The following EGLN1 variants were observed in gnomAD, a reference collection of about 807,000 sequenced individuals.
EGLN1 encodes the protein egl nine homolog 1.
A neutral mutation model predicts 38.3 loss-of-function variants in EGLN1; 17 were observed. The ratio of observed to expected loss-of-function variants is 0.44; its 90% CI spans 0.30 to 0.67. The LOEUF (loss-of-function observed/expected upper bound fraction) is 0.67. EGLN1 is among the 30% of genes least tolerant of loss of function. The probability of loss-of-function intolerance (pLI) is 0.08; values close to 1 mark genes in which losing one functional copy is unlikely to be tolerated. For synonymous variants in EGLN1, 283 were observed against 257.5 expected (o/e 1.10, Z -0.95); for missense variants, 477 against 603.3 (o/e 0.79, Z 2.19).
At chr1:231,417,672 T>C (rs1689120208) in intron 1 of EGLN1, among the ~76,000 whole-genome samples, 1 of 152,218 alleles carries the variant, frequency 6.6e-6, no homozygotes, top group Non-Finnish European at 1.5e-5. Flanking sequence ...GGAGCTTGGT[T>C]GTATCAGTGG....
chr1:231,374,750 A>C (rs1051608531), intron 1 of EGLN1, among the ~76,000 whole-genome samples: 2 of 152,074 alleles, frequency 1.3e-5, no homozygotes, highest in Admixed American at 1.3e-4. Context: ...GAGGTCAACT[A>C]AACTCCAAAC....
At chr1:231,408,326 GGA>G (rs1688845609) in intron 1 of EGLN1, among the ~76,000 whole-genome samples, 1 of 152,102 alleles carries the variant, frequency 6.6e-6, no homozygotes, top group Admixed American at 6.5e-5. Flanking sequence ...AGCAGAAGCA[GGA>G]AAACAGTCTG....
rs575002938 is a variant in EGLN1, at chr1:231,421,862, G to A, written c.27C>T (p.Gly9=). Residue 9 remains glycine, a synonymous_variant, in exon 1 of 5, where the codon GGC becomes GGT. Coordinates refer to ENST00000366641, the MANE Select transcript of EGLN1 (RefSeq NM_022051.3). This position sits in a 1 kb window ranked among gnomAD's most constrained non-coding sequence, Gnocchi z 5.5. MANDSGGP[G]GPSPSERDRQ... ...GGTCTCGCTCGCTCGGGCTCGGCCC[G>A]CCGGGCCCGCCGCTGTCATTGGCCA... is the stretch of plus-strand genomic sequence containing the variant. 2.2e-5 allele frequency: 32 copies of A among 1,484,362 alleles called. No individual in the cohort carries two copies. In the Admixed American group the frequency reaches 3.8e-4, roughly 18 times the overall value. 91.9% of individuals were successfully genotyped at this position (1,484,362 alleles called of 1,614,324 possible).
At chr1:231,387,816 C>T (rs1291924719) in intron 1 of EGLN1, among the ~76,000 whole-genome samples, 3 of 152,256 alleles carry the variant, frequency 2.0e-5, no homozygotes, top group South Asian at 2.1e-4. Flanking sequence ...CTACCAATAT[C>T]CAATCTCTCT....
intron 1 of EGLN1, among the ~76,000 whole-genome samples, chr1:231,374,893 G>T (rs1687919825): frequency 6.6e-6 from 1 of 152,098 alleles, no homozygotes; most frequent in South Asian, 2.1e-4. Flanking sequence ...AAGACTGTTG[G>T]ATGTTAAGCT....
chr1:231,364,706 G>C lies in EGLN1; in HGVS notation c.*1705C>G, dbSNP rs1212847982. On this transcript the variant is annotated 3_prime_UTR_variant, in exon 5 of 5. Coordinates refer to ENST00000366641, the MANE Select transcript of EGLN1 (RefSeq NM_022051.3). ...TCTCAAATTGAATACAAACTATACA[G>C]ATGCTAAAAATGTCTTAAGTTGAAA... is the stretch of plus-strand genomic sequence containing the variant. 1 of 152,184 alleles carries C rather than the reference G, an allele frequency of 6.6e-6. No homozygotes were observed. The highest frequency in any genetic ancestry group is 1.5e-5 in the Non-Finnish European group (1 of 68,042). The allele number at this position is 152,184 out of a possible 1,614,324, so 9.4% of individuals were successfully genotyped here. A position where few individuals can be genotyped will look rare whatever the true frequency, so the allele number is the denominator to read the frequency against.
chr1:231,376,798 C>T (rs1687968800), intron 1 of EGLN1, among the ~76,000 whole-genome samples: 1 of 152,136 alleles, frequency 6.6e-6, no homozygotes, highest in African/African-American at 2.4e-5. Flanking sequence ...TGGGTTTAGA[C>T]TTAAATGAAG....
At chr1:231,371,719 C>T (rs536175556) in intron 2 of EGLN1, among the ~76,000 whole-genome samples, 24 of 152,276 alleles carry the variant, frequency 1.6e-4, no homozygotes, top group African/African-American at 5.1e-4. Context: ...AGACTTTGTC[C>T]TTGCGGGGTT....
intron 1 of EGLN1, among the ~76,000 whole-genome samples, chr1:231,406,910 C>T (rs516651): frequency 0.15 from 22,661 of 152,108 alleles, 2,067 homozygotes; most frequent in African/African-American, 0.24. Context: ...CACACATGAC[C>T]TTTAGCCCAA....
chr1:231,366,812 A>C (rs1259494840), intron 4 of EGLN1, among the ~76,000 whole-genome samples: 3 of 152,254 alleles, frequency 2.0e-5, no homozygotes, highest in Non-Finnish European at 4.4e-5. Context: ...AAAAATACAT[A>C]GAAAATGCAT....
chr1:231,388,154 TA>T (rs1380909988), intron 1 of EGLN1, among the ~76,000 whole-genome samples: 5 of 152,164 alleles, frequency 3.3e-5, no homozygotes, highest in Non-Finnish European at 7.3e-5. Flanking sequence ...TGATGGGCCA[TA>T]AAACAAAAAT....
chr1:231,402,545 C>T (rs1202065111), intron 1 of EGLN1, among the ~76,000 whole-genome samples: 1 of 151,914 alleles, frequency 6.6e-6, no homozygotes, highest in Non-Finnish European at 1.5e-5. Flanking sequence ...AGCCATTCTC[C>T]TGCTTCACCC....
At chr1:231,394,678 C>T (rs1347406626) in intron 1 of EGLN1, among the ~76,000 whole-genome samples, 2 of 151,904 alleles carry the variant, frequency 1.3e-5, no homozygotes, top group Non-Finnish European at 2.9e-5. Context: ...CATAAGCCAC[C>T]ACGCCTGGCC....
intron 1 of EGLN1, among the ~76,000 whole-genome samples, chr1:231,418,702 A>AC (rs1415454039): frequency 1.3e-5 from 2 of 151,772 alleles, no homozygotes; most frequent in Non-Finnish European, 2.9e-5. Context: ...TACAAAAAAA[A>AC]TTTTTTTTCA....
chr1:231,374,334 G>C (rs951444471), intron 1 of EGLN1, among the ~76,000 whole-genome samples: 4 of 152,170 alleles, frequency 2.6e-5, no homozygotes, highest in African/African-American at 9.6e-5. Context: ...CCAAAGATCA[G>C]AAAAATTTCT....
In EGLN1 at chr1:231,421,374, G is replaced by A. The variant is rs777466821; in HGVS notation, c.515C>T (p.Ala172Val). The A allele has an allele frequency of 2.2e-5, 35 of 1,608,014 alleles. 1 individual carries two copies. Among genetic ancestry groups the A allele is most frequent in the Middle Eastern group, 1.7e-4 (1 of 6,048 alleles). The stretch of plus-strand genomic sequence containing the variant: ...CCGCAGGCCGCCGCCGGGGCTCAGC[G>A]CATCCCCGGGCGTGTTGCTTGGGGG... The part of the protein sequence containing the change: ...LYPPSNTPGD[A>V]LSPGGGLRPN... Residue 172 changes from alanine (A) to valine (V), a missense_variant, in exon 1 of 5, where the codon GCG becomes GTG. Transcript: ENST00000366641. The surrounding 1 kb of genome is among the most constrained non-coding windows in gnomAD (Gnocchi z 5.5).
intron 1 of EGLN1, among the ~76,000 whole-genome samples, chr1:231,379,770 A>C (rs1572024595): frequency 6.6e-6 from 1 of 152,230 alleles, no homozygotes; most frequent in East Asian, 1.9e-4. Context: ...CATGCTCCAC[A>C]CAGACATTGG....
chr1:231,395,400 G>A (rs748352289), intron 1 of EGLN1, among the ~76,000 whole-genome samples: 5 of 127,664 alleles, frequency 3.9e-5, no homozygotes, highest in African/African-American at 1.3e-4. Flanking sequence ...AGTTGCCTCC[G>A]TTAAGCAGTA....
intron 3 of EGLN1, among the ~76,000 whole-genome samples, chr1:231,368,612 A>G (rs758381956): frequency 3.3e-5 from 5 of 152,246 alleles, no homozygotes; most frequent in Non-Finnish European, 7.3e-5. Flanking sequence ...AAGTGAAAGT[A>G]CGCTACAAAT....
Sources: gnomAD v4.1 joint callset for allele counts (sites outside exome capture counted in the v4.1 genomes callset) on GRCh38, gnomAD v4.1.1 for gene constraint, Gnocchi (gnomAD v3.1) non-coding constraint, MANE v1.5 for transcripts, NCBI Gene and HGNC (gene_info 2026-07-23, HGNC 2026-07-21) for gene names.